Variants in NSMF observed in about 807,000 individuals in gnomAD.
The protein encoded by NSMF is nasal embryonic LHRH factor.
NSMF carries 31 observed loss-of-function variants against 71.0 expected under a neutral mutation model. The ratio of observed to expected loss-of-function variants is 0.44; its 90% CI spans 0.33 to 0.59. The LOEUF (loss-of-function observed/expected upper bound fraction) is 0.59. NSMF is among the 20% of genes least tolerant of loss of function. The pLI, the probability that NSMF is intolerant of heterozygous loss-of-function variation, is 0.04. For synonymous variants in NSMF, 345 were observed against 287.1 expected (o/e 1.20, Z -2.04); for missense variants, 673 against 740.5 (o/e 0.91, Z 1.06).
At position 137,449,326 on chromosome 9, in the gene NSMF, G is replaced by A. The variant is rs1378356963; in HGVS notation, c.*68C>T. On this transcript the variant is annotated 3_prime_UTR_variant, in exon 16 of 16. Coordinates refer to ENST00000371475, the MANE Select transcript of NSMF (RefSeq NM_001130969.3). The stretch of plus-strand genomic sequence containing the variant: ...GCCACACAGTCCCGGGGAGCACGAG[G>A]CGGCCCAGCCCCAGGTCCCGGTGCA... 1 of 1,358,826 alleles carries A rather than the reference G, an allele frequency of 7.4e-7. No homozygotes were observed. Among genetic ancestry groups the A allele is most frequent in the Non-Finnish European group, 1.0e-6 (1 of 958,208 alleles). The allele number at this position is 1,358,826 out of a possible 1,614,324, so 84.2% of individuals were successfully genotyped here.
intron 4 of NSMF, 139 bp downstream of exon 4, chr9:137,456,263 CCCTGGCAGG>C: frequency 2.6e-6 from 2 of 755,688 alleles, no homozygotes; most frequent in Non-Finnish European, 4.8e-6. Flanking sequence ...GCCCTGGCCT[CCCTGGCAGG>C]CCTGGCACAG....
At position 137,453,061 on chromosome 9, in the gene NSMF, C is replaced by T. The variant is rs554448339; in HGVS notation, c.1042G>A (p.Val348Ile). Residue 348 changes from valine to isoleucine, a missense_variant, in exon 9 of 16, where the codon GTC becomes ATC. This residue lies in a region of NSMF where 202 missense variants were observed against 280.8 expected (regional missense o/e 0.72). Coordinates refer to ENST00000371475, the MANE Select transcript of NSMF (RefSeq NM_001130969.3). This position sits in a 1 kb window ranked among gnomAD's most constrained non-coding sequence, Gnocchi z 4.5. Reference sequence around the variant, plus strand: ...CTGCCCGGGCTGGGCCTCACCATGACCTTTGGTGGCACGAAGCCTTCGGTG... The same window carrying T: ...CTGCCCGGGCTGGGCCTCACCATGATCTTTGGTGGCACGAAGCCTTCGGTG... ...CDTEGFVPPK[V>I]MLISSKVPKA... 231 of 1,612,494 alleles carry T rather than the reference C, an allele frequency of 1.4e-4. 3 individuals carry two copies. The South Asian group carries it at 2.5e-3, about 17-fold the overall frequency.
rs1839730841 is a variant in NSMF, at chr9:137,448,751, T to C, written c.*643A>G. Reference sequence around the variant, plus strand: ...GGTCCGGCGCCGGCTGAGGTCTAAGTAAGCAGGGATGGGGGGTGGCAAGAG... The same window carrying C: ...GGTCCGGCGCCGGCTGAGGTCTAAGCAAGCAGGGATGGGGGGTGGCAAGAG... On this transcript the variant is annotated 3_prime_UTR_variant, in exon 16 of 16. Transcript: ENST00000371475. The surrounding 1 kb of genome is among the most constrained non-coding windows in gnomAD (Gnocchi z 5.3). 6.4e-6 allele frequency: 1 copy of C among 156,910 alleles called. No homozygotes were observed. The highest frequency in any genetic ancestry group is 2.4e-5 in the African/African-American group (1 of 41,444). The allele number at this position is 156,910 out of a possible 1,614,324, so 9.7% of individuals were successfully genotyped here.
intron 12 of NSMF, among the ~76,000 whole-genome samples, chr9:137,451,277 A>C (rs1297605464): frequency 2.6e-3 from 2 of 772 alleles, no homozygotes; most frequent in Non-Finnish European, 3.7e-3. Flanking sequence ...TGATCTCCCC[A>C]CCATGCCTCT....
chr9:137,449,215 G>A lies in NSMF; in HGVS notation c.*179C>T, dbSNP rs1186141532. 3.2e-6 allele frequency: 2 copies of A among 630,870 alleles called. No individual in the cohort carries two copies. Among genetic ancestry groups the A allele is most frequent in the Non-Finnish European group, 5.7e-6 (2 of 351,118 alleles). 39.1% of individuals were successfully genotyped at this position (630,870 alleles called of 1,614,324 possible). ...GCCCCCAGGGACTGCAGCCTCTGCG[G>A]CCACGGGTGCAGCGAGGACCGGAAC... is the stretch of plus-strand genomic sequence containing the variant. On this transcript the variant is annotated 3_prime_UTR_variant, in exon 16 of 16. Transcript: ENST00000371475.
Position 137,454,379 on chromosome 9 carries a change from A to C in NSMF, c.832+12T>G, listed in dbSNP as rs1564264628. On this transcript the variant is annotated intron_variant, in intron 7 of 15. Coordinates refer to ENST00000371475, the MANE Select transcript of NSMF (RefSeq NM_001130969.3). The stretch of plus-strand genomic sequence containing the variant: ...AACGCCGCCCCCCCACCCCCGCCGC[A>C]CGGGGTCTTACTCTGGGCCTTCACC... 1 of 1,549,360 alleles carries C rather than the reference A, an allele frequency of 6.5e-7. No homozygotes were observed.
intron 3 of NSMF, 21 bp from the exon 4 acceptor site, chr9:137,456,507 C>T (rs768001142): frequency 1.9e-5 from 29 of 1,544,006 alleles, no homozygotes; most frequent in East Asian, 7.0e-5. Flanking sequence ...CAAAAAGGAG[C>T]GGTGGCTGGG....
chr9:137,459,253 CTCGGGG>C lies in NSMF; in HGVS notation c.-157_-152del, dbSNP rs1831053079. 3 of 440,636 alleles carry C rather than the reference CTCGGGG, an allele frequency of 6.8e-6. No individual in the cohort carries two copies. Among genetic ancestry groups the C allele is most frequent in the African/African-American group, 2.1e-5 (1 of 46,852 alleles). The allele number at this position is 440,636 out of a possible 1,614,324, so 27.3% of individuals were successfully genotyped here. A position where few individuals can be genotyped will look rare whatever the true frequency, so the allele number is the denominator to read the frequency against. On this transcript the variant is annotated 5_prime_UTR_variant, in exon 1 of 16. Transcript: ENST00000371475. ...GCTCGGGCTTGGGCTCGGGGTCGGG[CTCGGGG>C]TCGGGCCCGGTCCCCGCATGGCCGC... is the stretch of plus-strand genomic sequence containing the variant.
chr9:137,457,789 G>A lies in NSMF; in HGVS notation c.246C>T (p.Ser82=), dbSNP rs1390719436. ...TCCTAATGCTGGGCTCCTCTGAGAG[G>A]CTGCCCTCGTAGCAGCCGTTGGAGA... ...SLVSNGCYEG[S]LSEEPSIRKP... is the part of the protein sequence containing the mutation. The change falls in exon 3 of 16, where the codon AGC becomes AGT. Residue 82 remains serine (S), a synonymous_variant. Transcript: ENST00000371475. The A allele has an allele frequency of 6.4e-6, 10 of 1,558,642 alleles. No homozygotes were observed. In the Admixed American group the frequency reaches 1.4e-4, roughly 21 times the overall value.
At chr9:137,456,884 G>A (rs948990341) in intron 3 of NSMF, among the ~76,000 whole-genome samples, 1 of 152,206 alleles carries the variant, frequency 6.6e-6, no homozygotes, top group Non-Finnish European at 1.5e-5. Context: ...ACCGAGGCTA[G>A]AGACCACCTT....
In NSMF at chr9:137,448,148, C is replaced by T. The variant is rs960966417; in HGVS notation, c.*1246G>A. The T allele has an allele frequency of 1.3e-5, 2 of 152,764 alleles. No individual in the cohort carries two copies. The highest frequency in any genetic ancestry group is 4.8e-5 in the African/African-American group (2 of 41,462). 9.5% of individuals were successfully genotyped at this position (152,764 alleles called of 1,614,324 possible). Reference sequence around the variant, plus strand: ...AGGCAGGAAGGCCCTGCAGCAGTGACCTCACAGGAGTGGGCCCAGAAGCTG... The same window carrying T: ...AGGCAGGAAGGCCCTGCAGCAGTGATCTCACAGGAGTGGGCCCAGAAGCTG... On this transcript the variant is annotated 3_prime_UTR_variant, in exon 16 of 16. Coordinates refer to ENST00000371475, the MANE Select transcript of NSMF (RefSeq NM_001130969.3). The surrounding 1 kb of genome is among the most constrained non-coding windows in gnomAD (Gnocchi z 5.3).
rs1191364533 is a variant in NSMF, at chr9:137,457,816, G to A, written c.219C>T (p.Leu73=). 5.1e-6 allele frequency: 8 copies of A among 1,557,798 alleles called. No individual in the cohort carries two copies. The highest frequency in any genetic ancestry group is 1.9e-5 in the Admixed American group (1 of 51,586). The part of the protein sequence containing the change: ...PAPQNKRRLS[L]VSNGCYEGSL... ...TGCCCTCGTAGCAGCCGTTGGAGACGAGGGACAGGCGGCGCTTGTTCTGGG... is the reference window on the plus strand; with the variant it reads ...TGCCCTCGTAGCAGCCGTTGGAGACAAGGGACAGGCGGCGCTTGTTCTGGG... Residue 73 remains leucine (L), a synonymous_variant, in exon 3 of 16, where the codon CTC becomes CTT. Coordinates refer to ENST00000371475, the MANE Select transcript of NSMF (RefSeq NM_001130969.3).
chr9:137,454,367 CA>C (rs1830723759), intron 7 of NSMF, 23 bp downstream of exon 7: 1 of 1,548,612 alleles, frequency 6.5e-7, no homozygotes. Flanking sequence ...GCCGCCCCCC[CA>C]CCCCCGCCGC....
chr9:137,449,568 G>A (rs1181374510), intron 15 of NSMF, 31 bp downstream of exon 15: 1 of 1,610,860 alleles, frequency 6.2e-7, no homozygotes, highest in East Asian at 2.2e-5. Flanking sequence ...CGCAGTGGCT[G>A]CAGAGCTTCG....
rs1397265092 is a variant in NSMF, at chr9:137,459,225, CCGGCTCGGGCTT to C, written c.-135_-124del. On this transcript the variant is annotated 5_prime_UTR_variant, in exon 1 of 16. Transcript: ENST00000371475. The stretch of plus-strand genomic sequence containing the variant: ...TCGGGCTCGGGGTCTCGCTCGGGCT[CCGGCTCGGGCTT>C]GGGCTCGGGGTCGGGCTCGGGGTCG... 1 of 691,266 alleles carries C rather than the reference CCGGCTCGGGCTT, an allele frequency of 1.4e-6. No individual in the cohort carries two copies. Among genetic ancestry groups the C allele is most frequent in the Non-Finnish European group, 1.8e-6 (1 of 547,232 alleles). The allele number at this position is 691,266 out of a possible 1,614,324, so 42.8% of individuals were successfully genotyped here.
rs961712938 is a variant in NSMF, at chr9:137,454,316, G to A, written c.832+75C>T. 5.0e-6 allele frequency: 7 copies of A among 1,404,792 alleles called. No individual in the cohort carries two copies. In the Admixed American group the frequency reaches 5.9e-5, roughly 12 times the overall value. The allele number at this position is 1,404,792 out of a possible 1,614,324, so 87.0% of individuals were successfully genotyped here. On this transcript the variant is annotated intron_variant, in intron 7 of 15. Coordinates refer to ENST00000371475, the MANE Select transcript of NSMF (RefSeq NM_001130969.3). ...GGTTGGGGCGGGGGTCGTTCTTATC[G>A]CAGCTAGCAGCAAGCAAAGCCCCAA...
chr9:137,449,792 AG>A, intron 14 of NSMF, 118 bp from the exon 15 acceptor site: 1 of 1,293,440 alleles, frequency 7.7e-7, no homozygotes. Context: ...GGCTGGGCTC[AG>A]GCATAAAGGA....
rs1052867152 is a variant in NSMF at position 137,459,166 on chromosome 9, G to T, written c.-64C>A. The T allele has an allele frequency of 8.1e-4, 898 of 1,114,040 alleles. 7 individuals carry two copies. The African/African-American group carries it at 0.013, about 17-fold the overall frequency. The allele number at this position is 1,114,040 out of a possible 1,614,324, so 69.0% of individuals were successfully genotyped here. On this transcript the variant is annotated 5_prime_UTR_variant, in exon 1 of 16. Coordinates refer to ENST00000371475, the MANE Select transcript of NSMF (RefSeq NM_001130969.3). ...GCCCCGCGCCCGCCGCCTCCGCCGG[G>T]GTAGCCGCGCCGCACCGGGGGTCGC...
In NSMF at chr9:137,459,061, C is replaced by T; in HGVS notation, c.42G>A (p.Glu14=). 7.8e-7 allele frequency: 1 copy of T among 1,288,590 alleles called. No homozygotes were observed. Among genetic ancestry groups the T allele is most frequent in the Non-Finnish European group, 9.8e-7 (1 of 1,016,794 alleles). 79.8% of individuals were successfully genotyped at this position (1,288,590 alleles called of 1,614,324 possible). A position where few individuals can be genotyped will look rare whatever the true frequency, so the allele number is the denominator to read the frequency against. Residue 14 remains glutamate (E), a synonymous_variant, in exon 1 of 16, where the codon GAG becomes GAA. Coordinates refer to ENST00000371475, the MANE Select transcript of NSMF (RefSeq NM_001130969.3). ...CTTTGGCCGCCACCGAGGACATGGC[C>T]TCGCTCCTCAGCGCCCTCCTCCTGG... ...AASRRRALRS[E]AMSSVAAKVR... is the part of the protein sequence containing the mutation.
Sources: gnomAD v4.1 joint callset for allele counts (sites outside exome capture counted in the v4.1 genomes callset) on GRCh38, gnomAD v4.1.1 for gene constraint, gnomAD v4.1.1 regional missense constraint, Gnocchi (gnomAD v3.1) non-coding constraint, MANE v1.5 for transcripts, NCBI Gene and HGNC (gene_info 2026-07-23, HGNC 2026-07-21) for gene names.